CSNK1G1: variants seen among roughly 807,000 people sequenced by gnomAD.
CSNK1G1 encodes casein kinase I isoform gamma-1.
CSNK1G1 carries 22 observed loss-of-function variants against 59.6 expected under a neutral mutation model. The observed-to-expected ratio is 0.37, with a 90% CI of 0.26 to 0.53. The LOEUF (loss-of-function observed/expected upper bound fraction) is 0.53. Ranked by LOEUF, CSNK1G1 falls within the 20% of genes least tolerant of loss-of-function variation. The pLI, the probability that CSNK1G1 is intolerant of heterozygous loss-of-function variation, is 0.89. For missense variants in CSNK1G1, 384 were observed against 519.5 expected (o/e 0.74, Z 2.54); for synonymous variants, 179 against 177.1 (o/e 1.01, Z -0.08).
chr15:64,275,015 T>C (rs898053619), intron 2 of CSNK1G1, among the ~76,000 whole-genome samples: 1 of 152,204 alleles, frequency 6.6e-6, no homozygotes. Flanking sequence ...AGAGGACAGG[T>C]TGGCCTATTG....
intron 4 of CSNK1G1, among the ~76,000 whole-genome samples, chr15:64,225,648 CAG>C (rs2082450507): frequency 6.6e-6 from 1 of 151,988 alleles, no homozygotes; most frequent in Non-Finnish European, 1.5e-5. Flanking sequence ...TGTTGTTGAA[CAG>C]AGTTTCACTC....
intron 2 of CSNK1G1, among the ~76,000 whole-genome samples, chr15:64,295,810 T>C (rs1894988226): frequency 6.6e-6 from 1 of 152,220 alleles, no homozygotes; most frequent in African/African-American, 2.4e-5. Flanking sequence ...AAACTCCTGA[T>C]GATTCGACCC....
At chr15:64,297,945 G>GT (rs1488627778) in intron 2 of CSNK1G1, among the ~76,000 whole-genome samples, 1 of 152,176 alleles carries the variant, frequency 6.6e-6, no homozygotes, top group Non-Finnish European at 1.5e-5. Context: ...AATTCTGAAA[G>GT]TATCTTTTCT....
At chr15:64,322,271 C>G (rs1458163857) in intron 1 of CSNK1G1, among the ~76,000 whole-genome samples, 1 of 152,142 alleles carries the variant, frequency 6.6e-6, no homozygotes, top group African/African-American at 2.4e-5. Flanking sequence ...AGCTGTTCAA[C>G]AGTTAAACCT....
At position 64,300,740 on chromosome 15, in the gene CSNK1G1, A is replaced by G. The variant is rs1409840057; in HGVS notation, c.-224-17T>C. ...TCTTGTAACCTAGGTAAAAATCAAGAAAACATGTAGTTAAAAATTAAATTT... is the reference window on the plus strand; with the variant it reads ...TCTTGTAACCTAGGTAAAAATCAAGGAAACATGTAGTTAAAAATTAAATTT... On this transcript the variant is annotated splice_polypyrimidine_tract_variant and intron_variant, in intron 1 of 11. Transcript: ENST00000303052. The G allele has an allele frequency of 3.2e-5, 39 of 1,230,118 alleles. No homozygotes were observed. The highest frequency in any genetic ancestry group is 3.8e-5 in the Non-Finnish European group (37 of 983,724). 76.2% of individuals were successfully genotyped at this position (1,230,118 alleles called of 1,614,324 possible). A position where few individuals can be genotyped will look rare whatever the true frequency, so the allele number is the denominator to read the frequency against.
chr15:64,278,532 G>A (rs1404123897), intron 2 of CSNK1G1, among the ~76,000 whole-genome samples: 1 of 151,416 alleles, frequency 6.6e-6, no homozygotes, highest in Non-Finnish European at 1.5e-5. Context: ...GGGTTCAAGC[G>A]ATTCGCCTGC....
At chr15:64,232,858 A>T (rs375523297) in intron 4 of CSNK1G1, among the ~76,000 whole-genome samples, 15 of 152,358 alleles carry the variant, frequency 9.8e-5, no homozygotes, top group African/African-American at 3.6e-4. Flanking sequence ...GACCAAAAAA[A>T]GGTCAAAATA....
chr15:64,278,377 CGTGTGTGT>C (rs56064136), intron 2 of CSNK1G1, among the ~76,000 whole-genome samples: 3,431 of 111,458 alleles, frequency 0.031, 150 homozygotes, highest in African/African-American at 0.098. Context: ...CATGTATGTG[CGTGTGTGT>C]GTGTGTGTGT....
At chr15:64,207,142 G>A (rs924548401) in intron 7 of CSNK1G1, among the ~76,000 whole-genome samples, 1 of 152,094 alleles carries the variant, frequency 6.6e-6, no homozygotes, top group African/African-American at 2.4e-5. Context: ...ATTAAGAAAC[G>A]GAAGACAAAT....
intron 1 of CSNK1G1, among the ~76,000 whole-genome samples, chr15:64,306,621 A>G (rs1436906685): frequency 6.6e-6 from 1 of 152,160 alleles, no homozygotes; most frequent in African/African-American, 2.4e-5. Context: ...GACCCAGCAC[A>G]TTTCTTGGTA....
intron 10 of CSNK1G1, among the ~76,000 whole-genome samples, chr15:64,184,279 G>T (rs926490086): frequency 6.6e-6 from 1 of 151,750 alleles, no homozygotes; most frequent in African/African-American, 2.4e-5. Context: ...CTCCAGCCTG[G>T]GTGACAGAGC....
intron 6 of CSNK1G1, among the ~76,000 whole-genome samples, chr15:64,209,560 T>C (rs376304089): frequency 2.0e-5 from 3 of 152,082 alleles, no homozygotes; most frequent in African/African-American, 7.2e-5. Context: ...TATACAACAA[T>C]TGAAACAATC....
Position 64,184,613 on chromosome 15 carries a change from G to A in CSNK1G1, c.1108-4159C>T, listed in dbSNP as rs554896165. On this transcript the variant is annotated intron_variant, in intron 10 of 11. Coordinates refer to ENST00000303052, the MANE Select transcript of CSNK1G1 (RefSeq NM_022048.5). ...AATTGCTTGAACCTGGGAGGCGGACGTTGTAGTGAGCCAAGATCATGCCAC... is the reference window on the plus strand; with the variant it reads ...AATTGCTTGAACCTGGGAGGCGGACATTGTAGTGAGCCAAGATCATGCCAC... Among the ~76,000 whole-genome samples, 11 of 146,090 alleles carry A rather than the reference G, an allele frequency of 7.5e-5. No homozygotes were observed. The South Asian group carries it at 1.1e-3, about 14-fold the overall frequency.
At chr15:64,279,420 C>T (rs575668802) in intron 2 of CSNK1G1, among the ~76,000 whole-genome samples, 10 of 152,252 alleles carry the variant, frequency 6.6e-5, no homozygotes, top group Non-Finnish European at 1.5e-4. Flanking sequence ...TCCTTGATTA[C>T]GTCCGTGAGA....
At chr15:64,193,307 C>T (rs953990763) in intron 10 of CSNK1G1, among the ~76,000 whole-genome samples, 4 of 151,732 alleles carry the variant, frequency 2.6e-5, no homozygotes, top group African/African-American at 4.8e-5. Flanking sequence ...CTGGCCAACA[C>T]GGTGAAACCC....
At chr15:64,260,219 A>T (rs1234446921) in intron 2 of CSNK1G1, among the ~76,000 whole-genome samples, 2 of 152,182 alleles carry the variant, frequency 1.3e-5, no homozygotes, top group African/African-American at 4.8e-5. Flanking sequence ...AGTTTTCTCA[A>T]TACCCTATGG....
chr15:64,314,360 G>A (rs1896156299), intron 1 of CSNK1G1, among the ~76,000 whole-genome samples: 1 of 151,968 alleles, frequency 6.6e-6, no homozygotes, highest in Admixed American at 6.6e-5. Context: ...AAAATTGTAT[G>A]TTGACAATTT....
At chr15:64,347,579 C>T (rs1348445195) in intron 1 of CSNK1G1, among the ~76,000 whole-genome samples, 3 of 78,272 alleles carry the variant, frequency 3.8e-5, no homozygotes, top group Admixed American at 1.8e-4. Context: ...AGCAACACTC[C>T]GTCTTAAAAA....
chr15:64,200,086 C>A lies in CSNK1G1; in HGVS notation c.1107+2996G>T, dbSNP rs1308014613. On this transcript the variant is annotated intron_variant, in intron 10 of 11. Transcript: ENST00000303052. This position sits in a 1 kb window ranked among gnomAD's most constrained non-coding sequence, Gnocchi z 4.3. ...ATGGTGAAACCCCATCTCCACTAAACATACAAAAATTAGCCCGGTGTGGTG... is the reference window on the plus strand; with the variant it reads ...ATGGTGAAACCCCATCTCCACTAAAAATACAAAAATTAGCCCGGTGTGGTG... 6.6e-6 allele frequency among the ~76,000 whole-genome samples: 1 copy of A among 151,456 alleles called. No individual in the cohort carries two copies. Among genetic ancestry groups the A allele is most frequent in the East Asian group, 2.0e-4 (1 of 5,054 alleles).
Sources: allele counts gnomAD v4.1 joint callset (sites outside exome capture counted in the v4.1 genomes callset), GRCh38; gene constraint gnomAD v4.1.1; non-coding constraint Gnocchi (gnomAD v3.1); transcripts MANE v1.5; gene names NCBI Gene and HGNC (gene_info 2026-07-23, HGNC 2026-07-21).